Variants in MYO9B observed in about 807,000 individuals in gnomAD.
The protein encoded by MYO9B is unconventional myosin-IXb.
MYO9B carries 71 observed loss-of-function variants against 229.5 expected under a neutral mutation model. That is an observed-to-expected ratio of 0.31 (90% CI 0.26 to 0.38). The LOEUF is 0.38. MYO9B is among the 10% of genes least tolerant of loss of function. MYO9B has a pLI of 1.00. For synonymous variants in MYO9B, 1,185 were observed against 1,235.8 expected (o/e 0.96, Z 0.86); for missense variants, 2,255 against 2,920.5 (o/e 0.77, Z 5.25).
At chr19:17,210,262 G>T in intron 36 of MYO9B, 71 bp from the exon 37 acceptor site, 1 of 1,442,874 alleles carries the variant, frequency 6.9e-7, no homozygotes, top group Non-Finnish European at 9.3e-7. Context: ...ACCGGTCATT[G>T]GATGTATCCC....
At position 17,211,989 on chromosome 19, in the gene MYO9B, C is replaced by T. The variant is rs2073235838; in HGVS notation, c.6153C>T (p.Phe2051=). 2 of 1,456,642 alleles carry T rather than the reference C, an allele frequency of 1.4e-6. No individual in the cohort carries two copies. The highest frequency in any genetic ancestry group is 9.2e-7 in the Non-Finnish European group (1 of 1,085,498). The allele number at this position is 1,456,642 out of a possible 1,614,324, so 90.2% of individuals were successfully genotyped here. A position where few individuals can be genotyped will look rare whatever the true frequency, so the allele number is the denominator to read the frequency against. Reference sequence around the variant, plus strand: ...CTCCACGACGAAGGCCGTCGTCCTTCGTAACGGTCAGAGTGAAGACCCCCC... The same window carrying T: ...CTCCACGACGAAGGCCGTCGTCCTTTGTAACGGTCAGAGTGAAGACCCCCC... ...AAPPRRRPSS[F]VTVRVKTPRR... The change falls in exon 40 of 40, where the codon TTC becomes TTT. Residue 2051 remains phenylalanine (F), a synonymous_variant. Transcript: ENST00000682292.
chr19:17,201,957 T>C lies in MYO9B; in HGVS notation c.4595T>C (p.Ile1532Thr), dbSNP rs772652637. Residue 1532 changes from isoleucine (I) to threonine (T), a missense_variant, in exon 27 of 40, where the codon ATT becomes ACT. Ile to Thr is a moderately conservative substitution (Grantham distance 89). Coordinates refer to ENST00000682292, the MANE Select transcript of MYO9B (RefSeq NM_004145.4). Reference sequence around the variant, plus strand: ...GACCTCCGTTCCCAGAAGACGCCCATTGAGAGCTTGTTTATCGAAGCCACC... The same window carrying C: ...GACCTCCGTTCCCAGAAGACGCCCACTGAGAGCTTGTTTATCGAAGCCACC... ...INDLRSQKTP[I>T]ESLFIEATEK... 5 of 1,612,454 alleles carry C rather than the reference T, an allele frequency of 3.1e-6. No homozygotes were observed. Among genetic ancestry groups the C allele is most frequent in the Admixed American group, 1.7e-5 (1 of 59,816 alleles).
intron 1 of MYO9B, among the ~76,000 whole-genome samples, chr19:17,077,533 T>C (rs1057221585): frequency 3.9e-5 from 6 of 152,198 alleles, no homozygotes; most frequent in Admixed American, 2.0e-4. Flanking sequence ...CAATCGCCTC[T>C]TCCCTGCCGC....
intron 2 of MYO9B, among the ~76,000 whole-genome samples, chr19:17,124,482 A>G: frequency 6.6e-6 from 1 of 152,214 alleles, no homozygotes. Context: ...ATGAAGAGAT[A>G]CAAACACAGC....
intron 11 of MYO9B, among the ~76,000 whole-genome samples, chr19:17,170,932 C>T (rs2072718319): frequency 6.6e-6 from 1 of 151,880 alleles, no homozygotes; most frequent in Non-Finnish European, 1.5e-5. Context: ...TGAGGCAAGG[C>T]CTGGCCCAGC....
Position 17,212,210 on chromosome 19 carries a change from A to G in MYO9B, c.6374A>G (p.Glu2125Gly), listed in dbSNP as rs1459533320. Residue 2125 changes from glutamate to glycine, a missense_variant, in exon 40 of 40, where the codon GAG becomes GGG. Around this residue, in one of 7 missense-constraint regions of MYO9B, gnomAD observed 331 missense variants for 332.5 expected, o/e 1.00. Coordinates refer to ENST00000682292, the MANE Select transcript of MYO9B (RefSeq NM_004145.4). The surrounding 1 kb of genome is among the most constrained non-coding windows in gnomAD (Gnocchi z 5.4). ...GACCTGCCAGTGCAGGGCGCCCTGGAGCCCCTAGAAGAGGATGGCCAGCCA... is the reference window on the plus strand; with the variant it reads ...GACCTGCCAGTGCAGGGCGCCCTGGGGCCCCTAGAAGAGGATGGCCAGCCA... ...GADLPVQGAL[E>G]PLEEDGQPPG... 1 of 1,583,094 alleles carries G rather than the reference A, an allele frequency of 6.3e-7. No homozygotes were observed. The highest frequency in any genetic ancestry group is 8.6e-7 in the Non-Finnish European group (1 of 1,166,068).
At chr19:17,113,329 C>G (rs2057866853) in intron 2 of MYO9B, among the ~76,000 whole-genome samples, 1 of 152,014 alleles carries the variant, frequency 6.6e-6, no homozygotes, top group Non-Finnish European at 1.5e-5. Flanking sequence ...GTGTCCAGGG[C>G]CGGGTTGGGG....
chr19:17,161,262 AG>A (rs768081417), intron 8 of MYO9B, among the ~76,000 whole-genome samples: 3 of 151,666 alleles, frequency 2.0e-5, no homozygotes, highest in Non-Finnish European at 2.9e-5. Flanking sequence ...GGTTGCTCTG[AG>A]GAGCGTATGG....
intron 11 of MYO9B, among the ~76,000 whole-genome samples, chr19:17,169,526 G>A (rs2072698288): frequency 6.6e-6 from 1 of 151,988 alleles, no homozygotes; most frequent in Non-Finnish European, 1.5e-5. Context: ...GGCTGAGGCA[G>A]GAGAATTGTT....
chr19:17,160,267 A>G (rs906439311), intron 8 of MYO9B, among the ~76,000 whole-genome samples: 1 of 152,112 alleles, frequency 6.6e-6, no homozygotes, highest in Non-Finnish European at 1.5e-5. Context: ...ATATTGCTGC[A>G]TATCACCCAA....
At chr19:17,148,512 G>T (rs182202854) in intron 3 of MYO9B, among the ~76,000 whole-genome samples, 71 of 152,228 alleles carry the variant, frequency 4.7e-4, no homozygotes, top group African/African-American at 1.6e-3. Context: ...GCTTCTGGTG[G>T]CTCCCTTGGC....
chr19:17,194,488 CG>C (rs1293555821), intron 21 of MYO9B, 67 bp from the exon 22 acceptor site: 1 of 1,535,962 alleles, frequency 6.5e-7, no homozygotes. Flanking sequence ...GGGGTCCCAT[CG>C]GAACTCAGTG....
chr19:17,198,716 C>G (rs2145480124), intron 24 of MYO9B, among the ~76,000 whole-genome samples: 1 of 113,222 alleles, frequency 8.8e-6, no homozygotes, highest in African/African-American at 3.6e-5. Context: ...GCCTGGGTGA[C>G]AGAGGGAGAC....
intron 3 of MYO9B, among the ~76,000 whole-genome samples, chr19:17,149,915 T>C (rs1050984376): frequency 2.0e-5 from 3 of 152,216 alleles, no homozygotes; most frequent in Non-Finnish European, 2.9e-5. Flanking sequence ...CAGGCTGAGA[T>C]TGAAACATGA....
chr19:17,156,519 A>C (rs2072539248), intron 6 of MYO9B, among the ~76,000 whole-genome samples: 1 of 152,182 alleles, frequency 6.6e-6, no homozygotes, highest in Non-Finnish European at 1.5e-5. Flanking sequence ...CAGGAGTTTG[A>C]GACCAGCCTG....
chr19:17,183,567 C>T (rs2072884383), intron 15 of MYO9B, among the ~76,000 whole-genome samples: 1 of 152,246 alleles, frequency 6.6e-6, no homozygotes, highest in African/African-American at 2.4e-5. Flanking sequence ...AGACTAAACA[C>T]TTTACTCAGC....
At position 17,188,028 on chromosome 19, in the gene MYO9B, G is replaced by A. The variant is rs200910487; in HGVS notation, c.2671G>A (p.Ala891Thr). ...GCGCATCCGGAGGTCAGGGTACAGCGCCAAGTACACGTTCCAGGTAGGCCA... is the reference window on the plus strand; with the variant it reads ...GCGCATCCGGAGGTCAGGGTACAGCACCAAGTACACGTTCCAGGTAGGCCA... ...TVRIRRSGYS[A>T]KYTFQDFTEQ... Residue 891 changes from alanine to threonine, a missense_variant, in exon 19 of 40, where the codon GCC (alanine) becomes ACC (threonine). Ala to Thr is a moderately conservative substitution (Grantham distance 58). Coordinates refer to ENST00000682292, the MANE Select transcript of MYO9B (RefSeq NM_004145.4). 5.5e-4 allele frequency: 875 copies of A among 1,595,860 alleles called. No homozygotes were observed. The highest frequency in any genetic ancestry group is 7.0e-4 in the Non-Finnish European group (824 of 1,171,468).
chr19:17,162,998 T>C lies in MYO9B; in HGVS notation c.1547T>C (p.Ile516Thr), dbSNP rs2072621158. 6.2e-7 allele frequency: 1 copy of C among 1,610,208 alleles called. No homozygotes were observed. The highest frequency in any genetic ancestry group is 8.5e-7 in the Non-Finnish European group (1 of 1,178,362). Residue 516 changes from isoleucine to threonine, a missense_variant, in exon 10 of 40, where the codon ATT (isoleucine) becomes ACT (threonine). Physicochemically the swap from Ile to Thr is moderately conservative, Grantham distance 89. This residue lies in a region of MYO9B where 220 missense variants were observed against 404.5 expected (regional missense o/e 0.54). Transcript: ENST00000682292. ...CTCTGTCTCTCCCAGTGCCTGTCCA[T>C]TGGGGTCCTGGACATCTTCGGGTTT... is the stretch of plus-strand genomic sequence containing the variant. Reference protein sequence around the residue: ...DVEEAVSCLSIGVLDIFGFED... With the variant: ...DVEEAVSCLSTGVLDIFGFED...
intron 2 of MYO9B, among the ~76,000 whole-genome samples, chr19:17,135,516 C>G (rs1419826642): frequency 2.6e-5 from 4 of 152,174 alleles, no homozygotes; most frequent in South Asian, 2.1e-4. Flanking sequence ...CCAGCCCAGC[C>G]AAGCAGCAAC....
Sources: allele counts gnomAD v4.1 joint callset (sites outside exome capture counted in the v4.1 genomes callset), GRCh38; gene constraint gnomAD v4.1.1; regional missense constraint gnomAD v4.1.1; non-coding constraint Gnocchi (gnomAD v3.1); transcripts MANE v1.5; gene names NCBI Gene and HGNC (gene_info 2026-07-23, HGNC 2026-07-21).